The following USP45 variants were observed in gnomAD, a reference collection of about 807,000 sequenced individuals.
USP45 encodes ubiquitin carboxyl-terminal hydrolase 45.
Under a neutral mutation model 95.8 loss-of-function variants are expected in USP45, and 89 were observed. The ratio of observed to expected loss-of-function variants is 0.93; its 90% CI spans 0.78 to 1.11. USP45 has a LOEUF of 1.11. Ranked by LOEUF, USP45 falls within the 50% of genes least tolerant of loss-of-function variation. The probability of loss-of-function intolerance (pLI) is 0.00; values close to 1 mark genes in which losing one functional copy is unlikely to be tolerated. For synonymous variants in USP45, 281 were observed against 316.2 expected (o/e 0.89, Z 1.18); for missense variants, 898 against 942.5 (o/e 0.95, Z 0.62).
At chr6:99,448,895 C>A (rs902181584) in intron 13 of USP45, among the ~76,000 whole-genome samples, 2 of 152,032 alleles carry the variant, frequency 1.3e-5, no homozygotes, top group African/African-American at 4.8e-5. Flanking sequence ...AGAATTTTCA[C>A]CCCAGAATTT....
chr6:99,479,641 G>T (rs1441399907), intron 8 of USP45, among the ~76,000 whole-genome samples: 1 of 112,342 alleles, frequency 8.9e-6, no homozygotes, highest in African/African-American at 3.3e-5. Context: ...TACAGAAAAA[G>T]CATTTTTAAA....
intron 13 of USP45, among the ~76,000 whole-genome samples, chr6:99,460,468 A>C (rs78848029): frequency 0.032 from 4,887 of 152,244 alleles, 255 homozygotes; most frequent in African/African-American, 0.11. Context: ...TTGGACTTTA[A>C]AACTACTAAG....
chr6:99,511,329 A>G (rs1259361217), intron 1 of USP45, among the ~76,000 whole-genome samples: 1 of 149,260 alleles, frequency 6.7e-6, no homozygotes, highest in East Asian at 2.0e-4. Flanking sequence ...TTTTTTTTGC[A>G]TTTTTAGTAG....
At chr6:99,489,577 A>T (rs56118462) in intron 5 of USP45, among the ~76,000 whole-genome samples, 15,382 of 152,268 alleles carry the variant, frequency 0.1, 953 homozygotes, top group East Asian at 0.28. Flanking sequence ...TGTAATACAA[A>T]AAGTAAAATA....
chr6:99,509,128 A>C (rs2128810213), intron 2 of USP45, among the ~76,000 whole-genome samples: 1 of 152,340 alleles, frequency 6.6e-6, no homozygotes, highest in East Asian at 1.9e-4. Context: ...TGATGTTTCG[A>C]TAGCCAGTTT....
At position 99,440,755 on chromosome 6, in the gene USP45, T is replaced by C. The variant is rs1000205463; in HGVS notation, c.2074-900A>G. On this transcript the variant is annotated intron_variant, in intron 15 of 17. Coordinates refer to ENST00000500704, the MANE Select transcript of USP45 (RefSeq NM_001346022.3). The stretch of plus-strand genomic sequence containing the variant: ...TTTTTTCAAGTGATCTTTAGAAGGC[T>C]TGAAAATAGCTGACATGAAATTATG... Among the ~76,000 whole-genome samples, 5 of 152,326 alleles carry C rather than the reference T, an allele frequency of 3.3e-5. No individual in the cohort carries two copies. The South Asian group carries it at 6.2e-4, about 19-fold the overall frequency.
chr6:99,446,500 G>A (rs995283126), intron 13 of USP45, 37 bp from the exon 14 acceptor site: 5 of 1,531,574 alleles, frequency 3.3e-6, no homozygotes, highest in South Asian at 2.5e-5. Flanking sequence ...AAAGAGTCTT[G>A]TAACCTCATT....
intron 13 of USP45, chr6:99,462,052 ATGT>A: frequency 3.0e-6 from 3 of 985,372 alleles, no homozygotes; most frequent in Non-Finnish European, 3.6e-6. Context: ...TACCTTAAAG[ATGT>A]TATTAGAACT....
At chr6:99,466,222 G>A (rs1457657661) in intron 11 of USP45, among the ~76,000 whole-genome samples, 1 of 152,104 alleles carries the variant, frequency 6.6e-6, no homozygotes, top group African/African-American at 2.4e-5. Context: ...GTTTCACCAT[G>A]TTGGCCAGGC....
At chr6:99,450,223 C>CA (rs1328993427) in intron 13 of USP45, among the ~76,000 whole-genome samples, 1 of 151,932 alleles carries the variant, frequency 6.6e-6, no homozygotes, top group Non-Finnish European at 1.5e-5. Flanking sequence ...AAAAACCCTT[C>CA]AAAAAATCAA....
chr6:99,445,755 C>T (rs750833860), intron 14 of USP45, 42 bp downstream of exon 14: 5 of 1,391,318 alleles, frequency 3.6e-6, no homozygotes, highest in African/African-American at 1.5e-5. Flanking sequence ...TCACTAGACA[C>T]TATCAGGAGA....
At chr6:99,457,983 C>T (rs1014665246) in intron 13 of USP45, among the ~76,000 whole-genome samples, 7 of 152,148 alleles carry the variant, frequency 4.6e-5, no homozygotes, top group South Asian at 2.1e-4. Context: ...CAGAGCAGTG[C>T]GTAGCCCACA....
At chr6:99,506,266 G>A (rs1798500934) in intron 4 of USP45, among the ~76,000 whole-genome samples, 1 of 152,206 alleles carries the variant, frequency 6.6e-6, no homozygotes, top group Non-Finnish European at 1.5e-5. Context: ...TTTCAACATA[G>A]TGTCCATTTA....
At chr6:99,492,254 C>A (rs1224070202) in intron 5 of USP45, among the ~76,000 whole-genome samples, 5 of 152,224 alleles carry the variant, frequency 3.3e-5, no homozygotes, top group African/African-American at 1.2e-4. Context: ...TATATCCACG[C>A]TTCACTGTGT....
Position 99,507,471 on chromosome 6 carries a change from C to G in USP45, c.334G>C (p.Glu112Gln). 1 of 1,613,056 alleles carries G rather than the reference C, an allele frequency of 6.2e-7. No homozygotes were observed. Among genetic ancestry groups the G allele is most frequent in the Non-Finnish European group, 8.5e-7 (1 of 1,179,540 alleles). ...SLKHFKSSRT[E>Q]PHCIIINLST... Reference sequence around the variant, plus strand: ...AGATTAATTATAATACAATGGGGCTCTGTTCTGGAACTCTTAAAGTGCTTC... The same window carrying G: ...AGATTAATTATAATACAATGGGGCTGTGTTCTGGAACTCTTAAAGTGCTTC... The change falls in exon 4 of 18, where the codon GAG becomes CAG. Residue 112 changes from glutamate to glutamine, a missense_variant. Physicochemically the swap from Glu to Gln is conservative, Grantham distance 29. Transcript: ENST00000500704.
At chr6:99,478,106 T>C (rs1036393959) in intron 8 of USP45, among the ~76,000 whole-genome samples, 3 of 152,074 alleles carry the variant, frequency 2.0e-5, no homozygotes, top group African/African-American at 7.2e-5. Context: ...AAATCATTCC[T>C]GAACAAAGAG....
chr6:99,477,154 CAT>C (rs1246319491), intron 8 of USP45, among the ~76,000 whole-genome samples: 1 of 152,136 alleles, frequency 6.6e-6, no homozygotes, highest in Non-Finnish European at 1.5e-5. Flanking sequence ...CAACATATCT[CAT>C]GTGATATACA....
intron 9 of USP45, among the ~76,000 whole-genome samples, chr6:99,473,558 C>T (rs182602229): frequency 6.6e-6 from 1 of 151,674 alleles, no homozygotes; most frequent in Non-Finnish European, 1.5e-5. Context: ...AATAAATAAG[C>T]AAGCCTAGTC....
chr6:99,448,803 A>G (rs1478265378), intron 13 of USP45, among the ~76,000 whole-genome samples: 1 of 152,194 alleles, frequency 6.6e-6, no homozygotes, highest in Non-Finnish European at 1.5e-5. Context: ...GCAAAGGGAA[A>G]CCCATCAGAC....
Sources: allele counts gnomAD v4.1 joint callset (sites outside exome capture counted in the v4.1 genomes callset), GRCh38; gene constraint gnomAD v4.1.1; transcripts MANE v1.5; gene names NCBI Gene and HGNC (gene_info 2026-07-23, HGNC 2026-07-21).